Variants in HSPB8 observed in about 807,000 individuals in gnomAD.
HSPB8 encodes heat shock protein family B (small) member 8, also known as heat shock protein beta-8.
HSPB8 carries 9 observed loss-of-function variants against 16.5 expected under a neutral mutation model. The observed-to-expected ratio is 0.55, with a 90% CI of 0.33 to 0.95. The LOEUF (loss-of-function observed/expected upper bound fraction) is 0.95. Among genes scored for constraint, HSPB8 ranks in the 40% least tolerant of loss-of-function variants. HSPB8 has a pLI of 0.03. For synonymous variants in HSPB8, 99 were observed against 94.8 expected, an observed-to-expected ratio of 1.04 and a Z score of -0.26; for missense variants, 238 against 251.2, an observed-to-expected ratio of 0.95 and a Z score of 0.35.
chr12:119,184,431 A>G (rs908059275), intron 1 of HSPB8, among the ~76,000 whole-genome samples: 1 of 152,196 alleles, frequency 6.6e-6, no homozygotes, highest in Non-Finnish European at 1.5e-5. Context: ...AAAAGGGCTG[A>G]GTCAGAGGCA....
In HSPB8 at chr12:119,179,023, T is replaced by G; in HGVS notation, c.-290T>G. 1 of 511,388 alleles carries G rather than the reference T, an allele frequency of 2.0e-6. No homozygotes were observed. The highest frequency in any genetic ancestry group is 2.1e-5 in the South Asian group (1 of 48,730). The allele number at this position is 511,388 out of a possible 1,614,324, so 31.7% of individuals were successfully genotyped here. On this transcript the variant is annotated 5_prime_UTR_variant, in exon 1 of 3. Coordinates refer to ENST00000281938, the MANE Select transcript of HSPB8 (RefSeq NM_014365.3). ...GTTCTGGCTGCCAGCCTGGGCAGCC[T>G]GGGAAGCCTGGGAGGACGGTGGCTT...
At chr12:119,180,513 G>A (rs1444041712) in intron 1 of HSPB8, among the ~76,000 whole-genome samples, 6 of 152,148 alleles carry the variant, frequency 3.9e-5, no homozygotes, top group Admixed American at 3.3e-4. Context: ...CAGCTGAGGA[G>A]GCTGAGGCCT....
chr12:119,191,782 G>A (rs1382931895), intron 2 of HSPB8, among the ~76,000 whole-genome samples: 2 of 152,114 alleles, frequency 1.3e-5, no homozygotes, highest in African/African-American at 2.4e-5. Context: ...TCTTTCAAAT[G>A]TCTGGTGCTG....
intron 1 of HSPB8, among the ~76,000 whole-genome samples, chr12:119,185,624 G>A (rs1275639508): frequency 6.7e-6 from 1 of 149,504 alleles, no homozygotes; most frequent in Non-Finnish European, 1.5e-5. Context: ...AAGTCACCAC[G>A]CCCTGCCTAT....
In HSPB8 at chr12:119,194,742, T is replaced by G. The variant is rs1954735311; in HGVS notation, c.*884T>G. On this transcript the variant is annotated 3_prime_UTR_variant, in exon 3 of 3. Transcript: ENST00000281938. ...ATAATAATAATAAAGGAGCTGACGT[T>G]CTTAGCCTTGTGTGGTTCTTTTAAT... 1.1e-5 allele frequency: 5 copies of G among 451,160 alleles called. No individual in the cohort carries two copies. In the South Asian group the frequency reaches 3.3e-4, roughly 30 times the overall value. The allele number at this position is 451,160 out of a possible 1,614,324, so 27.9% of individuals were successfully genotyped here. A position where few individuals can be genotyped will look rare whatever the true frequency, so the allele number is the denominator to read the frequency against.
At chr12:119,182,250 T>C (rs1372747698) in intron 1 of HSPB8, 1 of 152,152 alleles carries the variant, frequency 6.6e-6, no homozygotes, top group Non-Finnish European at 1.5e-5. Context: ...ATTAGTGACA[T>C]CGGCTAGACA....
At chr12:119,185,497 C>T (rs530834053) in intron 1 of HSPB8, among the ~76,000 whole-genome samples, 4 of 152,148 alleles carry the variant, frequency 2.6e-5, no homozygotes, top group African/African-American at 4.8e-5. Context: ...CCATGTCCAG[C>T]TAATTTTTGT....
chr12:119,179,971 A>T (rs1954626623), intron 1 of HSPB8, among the ~76,000 whole-genome samples: 1 of 152,230 alleles, frequency 6.6e-6, no homozygotes, highest in Admixed American at 6.5e-5. Flanking sequence ...AGGGCATTTA[A>T]TATAAAGAAT....
At chr12:119,193,170 C>A (rs560712985) in intron 2 of HSPB8, among the ~76,000 whole-genome samples, 6 of 152,290 alleles carry the variant, frequency 3.9e-5, no homozygotes, top group African/African-American at 9.6e-5. Flanking sequence ...CTTTTATCCA[C>A]CAAGGTACCT....
intron 2 of HSPB8, among the ~76,000 whole-genome samples, chr12:119,191,994 T>C (rs1230145889): frequency 6.6e-6 from 1 of 152,136 alleles, no homozygotes; most frequent in Non-Finnish European, 1.5e-5. Flanking sequence ...AATGATATGA[T>C]TCAGCTAAAG....
At chr12:119,183,602 A>G (rs1250490448) in intron 1 of HSPB8, among the ~76,000 whole-genome samples, 2 of 152,202 alleles carry the variant, frequency 1.3e-5, no homozygotes, top group Non-Finnish European at 2.9e-5. Context: ...TTTTCAGTTT[A>G]CAAAAATAAA....
In HSPB8 at chr12:119,179,505, A is replaced by C. The variant is rs778903217; in HGVS notation, c.193A>C (p.Arg65=). 3.7e-6 allele frequency: 6 copies of C among 1,613,652 alleles called. No homozygotes were observed. In the African/African-American group the frequency reaches 8.0e-5, roughly 22 times the overall value. ...CTCCTCCGCCTGGCCAGGCACCCTA[A>C]GGTCGGGCATGGTGCCCCGGGGCCC... ...RLSSAWPGTL[R]SGMVPRGPTA... Residue 65 remains arginine, a synonymous_variant, in exon 1 of 3, where the codon AGG becomes CGG. Transcript: ENST00000281938.
In HSPB8 at chr12:119,178,948, G is replaced by C; in HGVS notation, c.-365G>C. On this transcript the variant is annotated 5_prime_UTR_variant, in exon 1 of 3. Transcript: ENST00000281938. ...AAGGAGCCAGAAGAAGTTTCTAGGC[G>C]CGCGTGCCCTGGGTTTATTAAGCTC... 1 of 338,564 alleles carries C rather than the reference G, an allele frequency of 3.0e-6. No individual in the cohort carries two copies. Among genetic ancestry groups the C allele is most frequent in the Non-Finnish European group, 5.6e-6 (1 of 179,226 alleles). 21.0% of individuals were successfully genotyped at this position (338,564 alleles called of 1,614,324 possible).
intron 2 of HSPB8, 67 bp downstream of exon 2, chr12:119,187,155 T>G: frequency 7.9e-7 from 1 of 1,269,634 alleles, no homozygotes; most frequent in Non-Finnish European, 1.2e-6. Context: ...GGACCCATGA[T>G]CTGGGGTCTC....
At chr12:119,191,576 C>A (rs1292011755) in intron 2 of HSPB8, among the ~76,000 whole-genome samples, 1 of 144,886 alleles carries the variant, frequency 6.9e-6, no homozygotes, top group Non-Finnish European at 1.5e-5. Context: ...GTTGTTGTAC[C>A]CACAAAAAAA....
rs1954729154 is a variant in HSPB8, at chr12:119,193,999, C to G, written c.*141C>G. ...GGGGTGAGGACTGACCACAGATTCC[C>G]TGGATAGTGTAGTGGTAGATTTCTC... is the stretch of plus-strand genomic sequence containing the variant. On this transcript the variant is annotated 3_prime_UTR_variant, in exon 3 of 3. Coordinates refer to ENST00000281938, the MANE Select transcript of HSPB8 (RefSeq NM_014365.3). 3.3e-6 allele frequency: 3 copies of G among 903,388 alleles called. No homozygotes were observed. In the Admixed American group the frequency reaches 5.7e-5, roughly 17 times the overall value. 56.0% of individuals were successfully genotyped at this position (903,388 alleles called of 1,614,324 possible).
In HSPB8 at chr12:119,194,581, C is replaced by G. The variant is rs1306542616; in HGVS notation, c.*723C>G. 1 of 164,830 alleles carries G rather than the reference C, an allele frequency of 6.1e-6. No individual in the cohort carries two copies. The highest frequency in any genetic ancestry group is 1.3e-5 in the Non-Finnish European group (1 of 77,556). 10.2% of individuals were successfully genotyped at this position (164,830 alleles called of 1,614,324 possible). Reference sequence around the variant, plus strand: ...GGGAGCTGTCTCCAGACAGCTCCATCAGGAACCAAGCAAAGGCCAGATAGC... The same window carrying G: ...GGGAGCTGTCTCCAGACAGCTCCATGAGGAACCAAGCAAAGGCCAGATAGC... On this transcript the variant is annotated 3_prime_UTR_variant, in exon 3 of 3. Coordinates refer to ENST00000281938, the MANE Select transcript of HSPB8 (RefSeq NM_014365.3).
At chr12:119,186,381 G>A (rs932819619) in intron 1 of HSPB8, among the ~76,000 whole-genome samples, 1 of 152,180 alleles carries the variant, frequency 6.6e-6, no homozygotes, top group African/African-American at 2.4e-5. Flanking sequence ...GGAACAGACA[G>A]AAATTCAAGA....
At chr12:119,189,557 G>A (rs959629926) in intron 2 of HSPB8, among the ~76,000 whole-genome samples, 30 of 152,048 alleles carry the variant, frequency 2.0e-4, no homozygotes, top group African/African-American at 6.3e-4. Flanking sequence ...TCAGATCATC[G>A]GGCATTAGAT....
Sources: gnomAD v4.1 joint callset for allele counts (sites outside exome capture counted in the v4.1 genomes callset) on GRCh38, gnomAD v4.1.1 for gene constraint, MANE v1.5 for transcripts, NCBI Gene and HGNC (gene_info 2026-07-23, HGNC 2026-07-21) for gene names.